CDH18: variants seen among roughly 807,000 people sequenced by gnomAD.
CDH18 encodes cadherin 18.
Under a neutral mutation model 67.9 loss-of-function variants are expected in CDH18, and 31 were observed. That is an observed-to-expected ratio of 0.46 (90% CI 0.34 to 0.62). The LOEUF is 0.62. Ranked by LOEUF, CDH18 falls within the 20% of genes least tolerant of loss-of-function variation. The probability of loss-of-function intolerance (pLI) is 0.01; values close to 1 mark genes in which losing one functional copy is unlikely to be tolerated. For missense variants in CDH18, 890 were observed against 975.5 expected, an observed-to-expected ratio of 0.91 and a Z score of 1.17; for synonymous variants, 362 against 347.2, an observed-to-expected ratio of 1.04 and a Z score of -0.48.
intron 1 of CDH18, among the ~76,000 whole-genome samples, chr5:20,357,335 G>A (rs1191960322): frequency 6.6e-6 from 1 of 152,102 alleles, no homozygotes; most frequent in Non-Finnish European, 1.5e-5. Flanking sequence ...TCACTAGTTT[G>A]AAAATTAGCT....
intron 1 of CDH18, among the ~76,000 whole-genome samples, chr5:20,438,540 A>G (rs960515847): frequency 2.0e-5 from 3 of 151,362 alleles, no homozygotes; most frequent in Non-Finnish European, 3.0e-5. Context: ...AATAAATTCA[A>G]TCTCATGTAA....
intron 2 of CDH18, among the ~76,000 whole-genome samples, chr5:19,891,713 ACT>A (rs2150085296): frequency 6.6e-6 from 1 of 152,198 alleles, no homozygotes; most frequent in East Asian, 1.9e-4. Context: ...AGGCTGAGAT[ACT>A]CTGTTTTCAG....
In CDH18 at chr5:20,531,497, A is replaced by G. The variant is rs574721935; in HGVS notation, c.-580+43965T>C. 1.7e-4 allele frequency among the ~76,000 whole-genome samples: 26 copies of G among 152,232 alleles called. 1 individual carries two copies. Among genetic ancestry groups the G allele is most frequent in the African/African-American group, 5.8e-4 (24 of 41,484 alleles). ...AGACATGGATTCAATCCAAATGCCC[A>G]TCAATGATAGACTTGATAAAGAAAA... is the stretch of plus-strand genomic sequence containing the variant. On this transcript the variant is annotated intron_variant, in intron 1 of 14. Coordinates refer to the CDH18 transcript ENST00000507958.
At position 19,863,216 on chromosome 5, in the gene CDH18, G is replaced by T. The variant is rs539795766; in HGVS notation, c.-256-23974C>A. Among the ~76,000 whole-genome samples, 248 of 152,234 alleles carry T rather than the reference G, an allele frequency of 1.6e-3. 1 individual carries two copies. Among genetic ancestry groups the T allele is most frequent in the African/African-American group, 5.7e-3 (236 of 41,550 alleles). ...GATAAACTATGTGGGTTGGGGAATT[G>T]GTTAGTTTAAGTATAAGAGGCAGAG... On this transcript the variant is annotated intron_variant, in intron 2 of 12. Transcript: ENST00000382275.
intron 2 of CDH18, among the ~76,000 whole-genome samples, chr5:19,865,936 G>T (rs1360725361): frequency 6.6e-6 from 1 of 152,064 alleles, no homozygotes; most frequent in Non-Finnish European, 1.5e-5. Context: ...CCTGATTCAG[G>T]GATCAGGAGC....
At chr5:19,683,705 T>G (rs1280853723) in intron 5 of CDH18, among the ~76,000 whole-genome samples, 1 of 152,180 alleles carries the variant, frequency 6.6e-6, no homozygotes, top group Non-Finnish European at 1.5e-5. Context: ...TGAATTCATC[T>G]GGCTTCATCT....
At chr5:20,159,661 T>G (rs114177339) in intron 2 of CDH18, among the ~76,000 whole-genome samples, 308 of 152,272 alleles carry the variant, frequency 2.0e-3, no homozygotes, top group African/African-American at 6.9e-3. Flanking sequence ...TTTTATCTGG[T>G]ATTAAAGGTA....
At chr5:20,327,891 A>G (rs1193619206) in intron 1 of CDH18, among the ~76,000 whole-genome samples, 1 of 152,084 alleles carries the variant, frequency 6.6e-6, no homozygotes, top group African/African-American at 2.4e-5. Flanking sequence ...AATAACAATA[A>G]TAACAATACA....
intron 8 of CDH18, among the ~76,000 whole-genome samples, chr5:19,559,852 C>T (rs1413992493): frequency 6.7e-6 from 1 of 150,024 alleles, no homozygotes; most frequent in Admixed American, 6.7e-5. Context: ...AGTAGCTCTG[C>T]TATACACTAA....
At chr5:20,398,304 G>A (rs1252625515) in intron 1 of CDH18, among the ~76,000 whole-genome samples, 2 of 152,076 alleles carry the variant, frequency 1.3e-5, no homozygotes, top group East Asian at 3.8e-4. Flanking sequence ...TTCTTAAAAT[G>A]TATACAGATG....
intron 1 of CDH18, among the ~76,000 whole-genome samples, chr5:20,374,402 G>A (rs1743248687): frequency 6.6e-6 from 1 of 152,168 alleles, no homozygotes; most frequent in South Asian, 2.1e-4. Flanking sequence ...TTATTAATGT[G>A]GGCCTCTCAC....
At chr5:19,994,660 T>G (rs1280326430) in intron 2 of CDH18, among the ~76,000 whole-genome samples, 1 of 136,726 alleles carries the variant, frequency 7.3e-6, no homozygotes, top group Non-Finnish European at 1.6e-5. Flanking sequence ...TAACATTTTT[T>G]GCTTTTCTCA....
chr5:19,643,060 T>C (rs1375465013), intron 5 of CDH18, among the ~76,000 whole-genome samples: 2 of 151,986 alleles, frequency 1.3e-5, no homozygotes, highest in Non-Finnish European at 2.9e-5. Context: ...AGAAGAGAAA[T>C]TGCTACCAGA....
At chr5:19,766,393 G>A (rs1773098776) in intron 3 of CDH18, among the ~76,000 whole-genome samples, 2 of 151,968 alleles carry the variant, frequency 1.3e-5, no homozygotes, top group South Asian at 2.1e-4. Context: ...CTTCTTAGAA[G>A]TCTCCCAAAT....
intron 2 of CDH18, among the ~76,000 whole-genome samples, chr5:19,955,251 C>T (rs370510679): frequency 1.1e-4 from 17 of 151,952 alleles, no homozygotes; most frequent in African/African-American, 3.9e-4. Flanking sequence ...TACCCAGTCT[C>T]GTGCACATCT....
chr5:19,864,795 T>C (rs1189752111), intron 2 of CDH18, among the ~76,000 whole-genome samples: 1 of 152,162 alleles, frequency 6.6e-6, no homozygotes, highest in Non-Finnish European at 1.5e-5. Flanking sequence ...GCCCAGCATA[T>C]ATCTGATTTT....
At chr5:20,151,095 C>T (rs559934348) in intron 2 of CDH18, among the ~76,000 whole-genome samples, 1 of 151,874 alleles carries the variant, frequency 6.6e-6, no homozygotes, top group East Asian at 1.9e-4. Flanking sequence ...GAGTATATTG[C>T]ACCCAGATAG....
intron 2 of CDH18, among the ~76,000 whole-genome samples, chr5:20,240,493 T>C (rs1171338060): frequency 1.3e-5 from 2 of 152,314 alleles, no homozygotes; most frequent in South Asian, 2.1e-4. Flanking sequence ...TTACTAATTC[T>C]ATACATACCT....
chr5:19,530,966 C>T (rs1748516841), intron 9 of CDH18, among the ~76,000 whole-genome samples: 1 of 152,172 alleles, frequency 6.6e-6, no homozygotes, highest in East Asian at 1.9e-4. Context: ...CACTGTCCTG[C>T]ACCCACTGTC....
Sources: allele counts gnomAD v4.1 joint callset (sites outside exome capture counted in the v4.1 genomes callset), GRCh38; gene constraint gnomAD v4.1.1; transcripts MANE v1.5; gene names NCBI Gene and HGNC (gene_info 2026-07-23, HGNC 2026-07-21).